Variants in KPNB1 observed in about 807,000 individuals in gnomAD.
KPNB1 encodes the protein karyopherin subunit beta 1.
A neutral mutation model predicts 113.0 loss-of-function variants in KPNB1; 7 were observed. The ratio of observed to expected loss-of-function variants is 0.06; its 90% confidence interval spans 0.04 to 0.12. KPNB1 has a LOEUF of 0.12. Ranked by LOEUF, KPNB1 falls within the 10% of genes least tolerant of loss-of-function variation. The pLI, the probability that KPNB1 is intolerant of heterozygous loss-of-function variation, is 1.00. For synonymous variants in KPNB1, 363 were observed against 378.6 expected, an observed-to-expected ratio of 0.96 and a Z score of 0.48; for missense variants, 400 against 1,054.8, an observed-to-expected ratio of 0.38 and a Z score of 8.60.
In KPNB1 at chr17:47,673,453, T is replaced by C. The variant is rs536727159; in HGVS notation, c.1696-37T>C. ...AAATGGTCCCAGCAAAAGTGGAAGG[T>C]TTTCATGTAGAGTATGTTTTCTTAT... On this transcript the variant is annotated intron_variant, in intron 13 of 21. Coordinates refer to ENST00000290158, the MANE Select transcript of KPNB1 (RefSeq NM_002265.6). The C allele has an allele frequency of 5.2e-5, 80 of 1,548,876 alleles. 1 individual carries two copies. The highest frequency in any genetic ancestry group is 6.4e-5 in the Non-Finnish European group (72 of 1,121,378).
chr17:47,678,484 A>G, intron 19 of KPNB1, 71 bp downstream of exon 19: 1 of 1,049,246 alleles, frequency 9.5e-7, no homozygotes. Context: ...TATGTCTGTC[A>G]TTCTGTAGCT....
At chr17:47,657,458 G>A (rs541675083) in intron 4 of KPNB1, among the ~76,000 whole-genome samples, 1 of 152,302 alleles carries the variant, frequency 6.6e-6, no homozygotes, top group African/African-American at 2.4e-5. Flanking sequence ...TTTAGCCACT[G>A]GAGACACAGT....
intron 17 of KPNB1, 94 bp downstream of exon 17, chr17:47,677,221 G>T: frequency 1.0e-6 from 1 of 1,002,166 alleles, no homozygotes; most frequent in Non-Finnish European, 1.5e-6. Context: ...GGGCGCAGTG[G>T]CCTGTAATCC....
chr17:47,678,944 G>T (rs1446493904), intron 19 of KPNB1, among the ~76,000 whole-genome samples: 2 of 151,712 alleles, frequency 1.3e-5, no homozygotes, highest in Non-Finnish European at 2.9e-5. Context: ...ATTTTTTGGA[G>T]ACAGTCTCAC....
chr17:47,681,065 G>A (rs2030759295), intron 21 of KPNB1, among the ~76,000 whole-genome samples: 1 of 151,356 alleles, frequency 6.6e-6, no homozygotes, highest in African/African-American at 2.4e-5. Context: ...TTGTGTGTGT[G>A]TGTGTGTGTG....
chr17:47,681,126 A>G (rs1284690079), intron 21 of KPNB1, among the ~76,000 whole-genome samples: 2 of 143,724 alleles, frequency 1.4e-5, no homozygotes, highest in African/African-American at 2.6e-5. Flanking sequence ...CTGGAGTGCA[A>G]TGGCACAATC....
chr17:47,660,146 C>T (rs72831625), intron 5 of KPNB1, among the ~76,000 whole-genome samples: 142 of 152,196 alleles, frequency 9.3e-4, no homozygotes, highest in South Asian at 2.5e-3. Flanking sequence ...TGGTAACGAC[C>T]ATTTTACTTT....
In KPNB1 at chr17:47,668,406, T is replaced by C. The variant is rs1219818806; in HGVS notation, c.1220T>C (p.Ile407Thr). 1.2e-6 allele frequency: 2 copies of C among 1,613,158 alleles called. No individual in the cohort carries two copies. The highest frequency in any genetic ancestry group is 2.2e-5 in the East Asian group (1 of 44,880). Residue 407 changes from isoleucine to threonine, a missense_variant, in exon 10 of 22, where the codon ATA becomes ACA. By Grantham distance (89) the Ile-to-Thr change is moderately conservative (BLOSUM62 -1). Transcript: ENST00000290158. ...CCCAGTCAGCTCAAACCACTAGTTA[T>C]ACAGGTGAAACTGAGGGATTTTTGG... ...PEPSQLKPLV[I>T]QAMPTLIELM...
chr17:47,671,686 C>A (rs2030453039), intron 12 of KPNB1: 1 of 152,060 alleles, frequency 6.6e-6, no homozygotes, highest in East Asian at 1.9e-4. Context: ...TGCCACCATG[C>A]CTGGCTAATT....
chr17:47,674,590 T>C (rs2030541086), intron 14 of KPNB1, 48 bp from the exon 15 acceptor site: 6 of 1,573,584 alleles, frequency 3.8e-6, no homozygotes, highest in African/African-American at 1.4e-5. Flanking sequence ...AGTGTTCTGA[T>C]TGGGAGATTT....
At chr17:47,668,436 G>T (rs754760215) in intron 10 of KPNB1, 26 bp downstream of exon 10, 40 of 1,554,350 alleles carry the variant, frequency 2.6e-5, no homozygotes, top group Non-Finnish European at 3.4e-5. Flanking sequence ...TTTTGGAGTA[G>T]AAAGTAGGAT....
rs530011772 is a variant in KPNB1 at position 47,685,256 on chromosome 17, T to A, written c.*2852T>A. 1 of 152,338 alleles carries A rather than the reference T, an allele frequency of 6.6e-6. No individual in the cohort carries two copies. The highest frequency in any genetic ancestry group is 1.9e-4 in the East Asian group (1 of 5,188). The allele number at this position is 152,338 out of a possible 1,614,324, so 9.4% of individuals were successfully genotyped here. On this transcript the variant is annotated 3_prime_UTR_variant, in exon 22 of 22. Transcript: ENST00000290158. ...TTTTAACTTTCAGAACCAAGCAATC[T>A]ATTTACTCTTACAAATATTTAAGAA... is the stretch of plus-strand genomic sequence containing the variant.
chr17:47,682,566 AGCAGCC>A lies in KPNB1; in HGVS notation c.*171_*176del. On this transcript the variant is annotated 3_prime_UTR_variant, in exon 22 of 22. Coordinates refer to ENST00000290158, the MANE Select transcript of KPNB1 (RefSeq NM_002265.6). ...ACCACATTGAAAATCCTGCCACAGC[AGCAGCC>A]GCAGCCGCCAACAGCAGCGCTGTTA... 3.1e-6 allele frequency: 2 copies of A among 650,650 alleles called. No individual in the cohort carries two copies. Among genetic ancestry groups the A allele is most frequent in the Non-Finnish European group, 5.6e-6 (2 of 357,188 alleles). The allele number at this position is 650,650 out of a possible 1,614,324, so 40.3% of individuals were successfully genotyped here. A position where few individuals can be genotyped will look rare whatever the true frequency, so the allele number is the denominator to read the frequency against.
At chr17:47,674,395 G>A (rs183598239) in intron 14 of KPNB1, among the ~76,000 whole-genome samples, 2 of 152,306 alleles carry the variant, frequency 1.3e-5, no homozygotes, top group African/African-American at 4.8e-5. Context: ...ATGAAATTGA[G>A]AGGACATGAC....
chr17:47,666,027 C>T (rs1219431702), intron 9 of KPNB1, among the ~76,000 whole-genome samples: 2 of 151,912 alleles, frequency 1.3e-5, no homozygotes, highest in African/African-American at 4.8e-5. Context: ...TTCATCTCTC[C>T]TCTCAGGGTT....
At chr17:47,661,255 C>A in intron 6 of KPNB1, 77 bp downstream of exon 6, 1 of 1,064,478 alleles carries the variant, frequency 9.4e-7, no homozygotes, top group Non-Finnish European at 1.5e-6. Context: ...GTTTGAAATA[C>A]TGGGAATCAG....
At chr17:47,651,119 C>G (rs1427663631) in intron 2 of KPNB1, 1 of 634,144 alleles carries the variant, frequency 1.6e-6, no homozygotes, top group African/African-American at 2.0e-5. Flanking sequence ...AGAAAACAGA[C>G]TGAGGCTCAT....
intron 2 of KPNB1, chr17:47,651,073 G>T: frequency 4.6e-6 from 1 of 216,266 alleles, no homozygotes; most frequent in Non-Finnish European, 7.9e-6. Flanking sequence ...TTCTGACCTG[G>T]ATGAATAGAG....
Position 47,683,103 on chromosome 17 carries a change from A to C in KPNB1, c.*699A>C, listed in dbSNP as rs1471815909. 1.4e-5 allele frequency: 2 copies of C among 147,010 alleles called. No homozygotes were observed. The highest frequency in any genetic ancestry group is 2.5e-5 in the African/African-American group (1 of 40,226). The allele number at this position is 147,010 out of a possible 1,614,324, so 9.1% of individuals were successfully genotyped here. A position where few individuals can be genotyped will look rare whatever the true frequency, so the allele number is the denominator to read the frequency against. Reference sequence around the variant, plus strand: ...GCACAAGAGATGTAAAAAAAAAAAAAAAAAAAAAAAAAAAAACACACACAC... The same window carrying C: ...GCACAAGAGATGTAAAAAAAAAAAACAAAAAAAAAAAAAAAACACACACAC... On this transcript the variant is annotated 3_prime_UTR_variant, in exon 22 of 22. Coordinates refer to ENST00000290158, the MANE Select transcript of KPNB1 (RefSeq NM_002265.6).
Sources: allele counts gnomAD v4.1 joint callset (sites outside exome capture counted in the v4.1 genomes callset), GRCh38; gene constraint gnomAD v4.1.1; transcripts MANE v1.5; gene names NCBI Gene and HGNC (gene_info 2026-07-23, HGNC 2026-07-21).